Variants in SDK2 observed in about 807,000 individuals in gnomAD.
The protein encoded by SDK2 is protein sidekick-2.
A neutral mutation model predicts 253.9 loss-of-function variants in SDK2; 105 were observed. That is an observed-to-expected ratio of 0.41 (90% CI 0.35 to 0.49). SDK2 has a LOEUF of 0.49. Among genes scored for constraint, SDK2 ranks in the 20% least tolerant of loss-of-function variants. The pLI is 0.06. For synonymous variants in SDK2, 1,249 were observed against 1,234.9 expected (o/e 1.01, Z -0.24); for missense variants, 2,608 against 3,003.0 (o/e 0.87, Z 3.07).
chr17:73,599,486 G>C (rs973798465), intron 1 of SDK2, among the ~76,000 whole-genome samples: 2 of 151,686 alleles, frequency 1.3e-5, no homozygotes, highest in East Asian at 3.9e-4. Flanking sequence ...AGTGAGCTGA[G>C]ATAGCGGCAC....
At chr17:73,524,449 G>A (rs763580963) in intron 1 of SDK2, among the ~76,000 whole-genome samples, 13 of 152,196 alleles carry the variant, frequency 8.5e-5, no homozygotes, top group Non-Finnish European at 1.9e-4. Context: ...GAAGGTGGAT[G>A]GGATGTTTAG....
At chr17:73,555,453 CTA>C in intron 1 of SDK2, among the ~76,000 whole-genome samples, 1 of 152,318 alleles carries the variant, frequency 6.6e-6, no homozygotes, top group East Asian at 1.9e-4. Context: ...ATCCTCGTCT[CTA>C]TGTACTGAGG....
At chr17:73,393,255 A>AAG (rs1555758101) in intron 27 of SDK2, among the ~76,000 whole-genome samples, 3 of 142,398 alleles carry the variant, frequency 2.1e-5, no homozygotes, top group Non-Finnish European at 4.4e-5. Flanking sequence ...AAAAAAAAAA[A>AAG]AAAAAAAAAG....
Position 73,361,289 on chromosome 17 carries a change from C to T in SDK2, c.5467+395G>A, listed in dbSNP as rs1028931949. 2.6e-5 allele frequency among the ~76,000 whole-genome samples: 4 copies of T among 152,086 alleles called. No individual in the cohort carries two copies. Among genetic ancestry groups the T allele is most frequent in the East Asian group, 1.9e-4 (1 of 5,178 alleles). The stretch of plus-strand genomic sequence containing the variant: ...CTGGAGGGTAGGGGTGGTTCAGGGG[C>T]GTGGGAAGATGGCTCTGGCTGGGCG... On this transcript the variant is annotated intron_variant, in intron 39 of 44. Transcript: ENST00000392650. This position sits in a 1 kb window ranked among gnomAD's most constrained non-coding sequence, Gnocchi z 4.1.
rs146274066 is a variant in SDK2, at chr17:73,486,995, G to A, written c.225-14777C>T. Among the ~76,000 whole-genome samples, 1,242 of 152,238 alleles carry A rather than the reference G, an allele frequency of 8.2e-3. 7 individuals are homozygous for A. Among genetic ancestry groups the A allele is most frequent in the Non-Finnish European group, 0.011 (767 of 68,020 alleles). ...GTCGCCCAGGCTGGAGTGCAATGGC[G>A]CAATCTCGGCTCACTGCAACCTCTG... On this transcript the variant is annotated intron_variant, in intron 2 of 44. Coordinates refer to ENST00000392650, the MANE Select transcript of SDK2 (RefSeq NM_001144952.2).
rs1478790383 is a variant in SDK2, at chr17:73,405,497, T to C, written c.2485-3356A>G. Reference sequence around the variant, plus strand: ...ATATATATATATATATATATATATATATATATATATATATATATATAAAGA... The same window carrying C: ...ATATATATATATATATATATATATACATATATATATATATATATATAAAGA... On this transcript the variant is annotated intron_variant, in intron 18 of 44. Coordinates refer to ENST00000392650, the MANE Select transcript of SDK2 (RefSeq NM_001144952.2). 2.0e-4 allele frequency among the ~76,000 whole-genome samples: 18 copies of C among 91,744 alleles called. 3 individuals are homozygous for C. Among genetic ancestry groups the C allele is most frequent in the Admixed American group, 1.6e-3 (13 of 7,954 alleles). The allele number at this position is 91,744 out of a possible 152,430, so 60.2% of individuals were successfully genotyped here.
intron 36 of SDK2, among the ~76,000 whole-genome samples, chr17:73,368,967 A>T (rs2062710411): frequency 6.6e-6 from 1 of 151,522 alleles, no homozygotes; most frequent in South Asian, 2.1e-4. Context: ...AGCTGAGATC[A>T]CGCCACTGTA....
intron 18 of SDK2, among the ~76,000 whole-genome samples, chr17:73,412,187 C>T (rs1268494613): frequency 4.1e-5 from 6 of 146,180 alleles, no homozygotes; most frequent in East Asian, 2.0e-4. Context: ...TGTATATGCA[C>T]ATACACACAT....
Position 73,350,775 on chromosome 17 carries a change from G to C in SDK2, c.5774C>G (p.Pro1925Arg). ...CAAGAACCACCACTCCTCATAGAAG[G>C]GGTTGGCTTTCTGGGCTGGAGCACA... ...SQSVPAQKAN[P>R]FYEEWWFLVV... The change falls in exon 42 of 45, where the codon CCC (proline) becomes CGC (arginine). Residue 1925 changes from proline (P) to arginine (R), a missense_variant. Pro to Arg is a moderately radical substitution (Grantham distance 103). This residue lies in a region of SDK2 where 1,103 missense variants were observed against 1,143.9 expected (regional missense o/e 0.96). Coordinates refer to ENST00000392650, the MANE Select transcript of SDK2 (RefSeq NM_001144952.2). The C allele has an allele frequency of 5.0e-6, 8 of 1,610,624 alleles. No homozygotes were observed. The highest frequency in any genetic ancestry group is 6.8e-6 in the Non-Finnish European group (8 of 1,178,830).
chr17:73,579,273 C>T (rs2045500148), intron 1 of SDK2, among the ~76,000 whole-genome samples: 1 of 152,198 alleles, frequency 6.6e-6, no homozygotes, highest in African/African-American at 2.4e-5. Flanking sequence ...AGATTAAATC[C>T]TACCAGGCTT....
chr17:73,429,879 C>A, intron 12 of SDK2, among the ~76,000 whole-genome samples: 1 of 151,962 alleles, frequency 6.6e-6, no homozygotes, highest in East Asian at 1.9e-4. Flanking sequence ...GCTGCTTCCT[C>A]CCAGCCCTTT....
At chr17:73,475,908 T>G (rs947540913) in intron 2 of SDK2, among the ~76,000 whole-genome samples, 3 of 152,144 alleles carry the variant, frequency 2.0e-5, no homozygotes, top group African/African-American at 7.2e-5. Flanking sequence ...GGTCAGGAGT[T>G]CAAGACCAGC....
At chr17:73,458,623 C>T (rs946528303) in intron 3 of SDK2, among the ~76,000 whole-genome samples, 3 of 152,238 alleles carry the variant, frequency 2.0e-5, no homozygotes, top group African/African-American at 7.2e-5. Flanking sequence ...GCTCTGAGAT[C>T]CAATTTCCAA....
chr17:73,348,045 G>A (rs902860657), intron 44 of SDK2, among the ~76,000 whole-genome samples: 2 of 152,202 alleles, frequency 1.3e-5, no homozygotes, highest in Non-Finnish European at 2.9e-5. Context: ...GGCACACCCA[G>A]GACATCCCAG....
chr17:73,598,402 C>T (rs1351723439), intron 1 of SDK2, among the ~76,000 whole-genome samples: 2 of 152,182 alleles, frequency 1.3e-5, no homozygotes, highest in African/African-American at 2.4e-5. Flanking sequence ...GCCAGCTGGC[C>T]GAGGCAGCCC....
intron 1 of SDK2, among the ~76,000 whole-genome samples, chr17:73,564,985 C>T (rs918677849): frequency 1.3e-5 from 2 of 152,158 alleles, no homozygotes; most frequent in African/African-American, 4.8e-5. Context: ...CAAAAGCAGG[C>T]TGACACTAGA....
chr17:73,530,814 C>G (rs2064164058), intron 1 of SDK2, among the ~76,000 whole-genome samples: 1 of 152,212 alleles, frequency 6.6e-6, no homozygotes, highest in African/African-American at 2.4e-5. Flanking sequence ...TGAGAACAAC[C>G]ATGCCCCTTG....
Position 73,348,715 on chromosome 17 carries a change from T to C in SDK2, c.6049A>G (p.Arg2017Gly). 6.2e-7 allele frequency: 1 copy of C among 1,606,820 alleles called. No individual in the cohort carries two copies. Among genetic ancestry groups the C allele is most frequent in the Non-Finnish European group, 8.5e-7 (1 of 1,178,554 alleles). ...KNGLYTRSPP[R>G]PSPGSLHYSD... ...TAGTGCAGGCTGCCTGGGCTGGGCC[T>C]GGGGGGAGACCTGGAGAGAGCGGGG... Residue 2017 changes from arginine to glycine, a missense_variant, in exon 44 of 45, where the codon AGG (arginine) becomes GGG (glycine). Physicochemically the swap from Arg to Gly is moderately radical, Grantham distance 125. Coordinates refer to ENST00000392650, the MANE Select transcript of SDK2 (RefSeq NM_001144952.2).
rs2045989379 is a variant in SDK2 at position 73,612,516 on chromosome 17, G to A, written c.64+31509C>T. Among the ~76,000 whole-genome samples, 1 of 152,146 alleles carries A rather than the reference G, an allele frequency of 6.6e-6. No individual in the cohort carries two copies. Among genetic ancestry groups the A allele is most frequent in the Admixed American group, 6.5e-5 (1 of 15,286 alleles). ...GCCAAGGGAAGGGAGTTCTGCAGCCGACAAGCCCAGGGTGGCAGCCTGAGG... is the reference window on the plus strand; with the variant it reads ...GCCAAGGGAAGGGAGTTCTGCAGCCAACAAGCCCAGGGTGGCAGCCTGAGG... On this transcript the variant is annotated intron_variant, in intron 1 of 44. Transcript: ENST00000392650. The surrounding 1 kb of genome is among the most constrained non-coding windows in gnomAD (Gnocchi z 4.4).
Sources: allele counts gnomAD v4.1 joint callset (sites outside exome capture counted in the v4.1 genomes callset), GRCh38; gene constraint gnomAD v4.1.1; regional missense constraint gnomAD v4.1.1; non-coding constraint Gnocchi (gnomAD v3.1); transcripts MANE v1.5; gene names NCBI Gene and HGNC (gene_info 2026-07-23, HGNC 2026-07-21).